PDE4B: variants seen among roughly 807,000 people sequenced by gnomAD.
PDE4B encodes phosphodiesterase 4B, also known as 3',5'-cyclic-AMP phosphodiesterase 4B.
In PDE4B, 20 loss-of-function variants were observed where a neutral mutation model predicts 82.2. The ratio of observed to expected loss-of-function variants is 0.24; its 90% confidence interval spans 0.17 to 0.35. The LOEUF is 0.35. Among genes scored for constraint, PDE4B ranks in the 10% least tolerant of loss-of-function variants. The pLI is 1.00. For missense variants in PDE4B, 655 were observed against 907.2 expected (o/e 0.72, Z 3.57); for synonymous variants, 320 against 318.9 (o/e 1.00, Z -0.04).
chr1:65,911,724 C>A (rs1647094213), intron 1 of PDE4B, among the ~76,000 whole-genome samples: 1 of 152,100 alleles, frequency 6.6e-6, no homozygotes, highest in Non-Finnish European at 1.5e-5. Context: ...CGAGGAAATT[C>A]TTGTCCTTTG....
At chr1:65,961,305 C>T (rs1017274607) in intron 3 of PDE4B, among the ~76,000 whole-genome samples, 76 of 152,028 alleles carry the variant, frequency 5.0e-4, no homozygotes, top group Admixed American at 1.7e-3. Flanking sequence ...GAGTTATTGG[C>T]AGAGAGAACA....
intron 3 of PDE4B, among the ~76,000 whole-genome samples, chr1:65,970,211 T>C: frequency 7.2e-6 from 1 of 139,616 alleles, no homozygotes; most frequent in Non-Finnish European, 1.6e-5. Flanking sequence ...AATTTACAAA[T>C]ATTTTCTTTT....
At chr1:65,826,166 G>A (rs1646015356) in intron 1 of PDE4B, among the ~76,000 whole-genome samples, 1 of 152,076 alleles carries the variant, frequency 6.6e-6, no homozygotes, top group Non-Finnish European at 1.5e-5. Context: ...TGGCTTATGG[G>A]AACTAGGTGT....
chr1:66,133,724 C>G (rs889559292), intron 3 of PDE4B, among the ~76,000 whole-genome samples: 44 of 152,300 alleles, frequency 2.9e-4, no homozygotes, highest in African/African-American at 1.0e-3. Flanking sequence ...TCCTCTCTGC[C>G]TAGAAGCCAT....
At chr1:66,333,879 G>GAA (rs1557706896) in intron 8 of PDE4B, among the ~76,000 whole-genome samples, 2 of 149,626 alleles carry the variant, frequency 1.3e-5, no homozygotes, top group African/African-American at 4.9e-5. Flanking sequence ...AAGTTGGAAG[G>GAA]GAAAAAAAAA....
At chr1:66,150,842 C>T (rs1486953817) in intron 3 of PDE4B, among the ~76,000 whole-genome samples, 1 of 152,044 alleles carries the variant, frequency 6.6e-6, no homozygotes, top group East Asian at 1.9e-4. Context: ...CATTAATTAA[C>T]TTTCGTATGT....
intron 3 of PDE4B, among the ~76,000 whole-genome samples, chr1:66,017,989 C>G (rs918662532): frequency 6.6e-6 from 1 of 152,098 alleles, no homozygotes; most frequent in African/African-American, 2.4e-5. Context: ...GGGTAACTGG[C>G]TATATTTTAT....
intron 3 of PDE4B, among the ~76,000 whole-genome samples, chr1:66,240,134 G>T (rs1454815435): frequency 6.6e-6 from 1 of 152,206 alleles, no homozygotes; most frequent in Non-Finnish European, 1.5e-5. Flanking sequence ...GGGTTGATTA[G>T]GGTACAGGGC....
At chr1:66,140,168 A>T (rs1012790803) in intron 3 of PDE4B, among the ~76,000 whole-genome samples, 1 of 152,106 alleles carries the variant, frequency 6.6e-6, no homozygotes, top group Non-Finnish European at 1.5e-5. Flanking sequence ...TTATCACCCA[A>T]TTAAAAATGA....
chr1:65,944,059 G>A (rs916438996), intron 3 of PDE4B, among the ~76,000 whole-genome samples: 6 of 151,824 alleles, frequency 4.0e-5, no homozygotes, highest in African/African-American at 7.2e-5. Flanking sequence ...CATCATTGTC[G>A]TGATTCATAT....
At chr1:66,004,355 T>C (rs1569945058) in intron 3 of PDE4B, among the ~76,000 whole-genome samples, 1 of 152,192 alleles carries the variant, frequency 6.6e-6, no homozygotes, top group South Asian at 2.1e-4. Flanking sequence ...CTTAAATCCA[T>C]TCTTTTAGAC....
At chr1:65,815,632 T>C (rs1645874168) in intron 1 of PDE4B, among the ~76,000 whole-genome samples, 1 of 152,198 alleles carries the variant, frequency 6.6e-6, no homozygotes, top group Admixed American at 6.5e-5. Context: ...AAAAGGTTCA[T>C]TGAGAAACCA....
At chr1:66,335,684 G>T (rs185485881) in intron 8 of PDE4B, among the ~76,000 whole-genome samples, 2 of 152,248 alleles carry the variant, frequency 1.3e-5, no homozygotes, top group East Asian at 3.9e-4. Flanking sequence ...GGTTAGTCTT[G>T]TAAATTATTT....
chr1:65,961,851 C>T (rs954690722), intron 3 of PDE4B, among the ~76,000 whole-genome samples: 3 of 152,128 alleles, frequency 2.0e-5, no homozygotes, highest in East Asian at 3.9e-4. Context: ...GAATTTCCTG[C>T]GAGAAACAAA....
At chr1:66,060,856 A>G (rs12049129) in intron 3 of PDE4B, among the ~76,000 whole-genome samples, 12,263 of 151,344 alleles carry the variant, frequency 0.081, 922 homozygotes, top group East Asian at 0.25. Flanking sequence ...TTGTGAAGCC[A>G]CTCCTGCTTG....
intron 1 of PDE4B, among the ~76,000 whole-genome samples, chr1:65,908,940 G>A (rs1316616927): frequency 6.6e-6 from 1 of 152,226 alleles, no homozygotes; most frequent in Admixed American, 6.5e-5. Flanking sequence ...TATAGAAAGA[G>A]TTAGAACCTG....
intron 3 of PDE4B, among the ~76,000 whole-genome samples, chr1:66,028,400 AG>A (rs1377641900): frequency 2.6e-4 from 39 of 152,156 alleles, no homozygotes; most frequent in Admixed American, 2.6e-3. Context: ...CTAAGCCTCA[AG>A]GCCTGTGATG....
At chr1:66,252,800 G>C (rs1022187368) in intron 4 of PDE4B, among the ~76,000 whole-genome samples, 2 of 152,150 alleles carry the variant, frequency 1.3e-5, no homozygotes. Flanking sequence ...TTAGCTAGGA[G>C]TAGTGGTGCG....
intron 3 of PDE4B, among the ~76,000 whole-genome samples, chr1:66,022,785 T>G (rs1442496260): frequency 6.6e-6 from 1 of 152,174 alleles, no homozygotes; most frequent in Non-Finnish European, 1.5e-5. Flanking sequence ...TTGTTGTGTC[T>G]CTGCCAGGCT....
Sources: allele counts gnomAD v4.1 joint callset (sites outside exome capture counted in the v4.1 genomes callset), GRCh38; gene constraint gnomAD v4.1.1; transcripts MANE v1.5; gene names NCBI Gene and HGNC (gene_info 2026-07-23, HGNC 2026-07-21).